Variants in STK33 observed in about 807,000 individuals in gnomAD.
STK33 encodes serine/threonine-protein kinase 33.
In STK33, 52 loss-of-function variants were observed where a neutral mutation model predicts 58.0. The observed-to-expected ratio is 0.90, with a 90% confidence interval of 0.72 to 1.13. The LOEUF is 1.13. Ranked by LOEUF, STK33 falls within the 50% of genes most tolerant of loss-of-function variation. The pLI is 0.00. For synonymous variants in STK33, 215 were observed against 200.1 expected, an observed-to-expected ratio of 1.07 and a Z score of -0.63; for missense variants, 630 against 604.2, an observed-to-expected ratio of 1.04 and a Z score of -0.45.
At chr11:8,510,539 C>T (rs866816573) in intron 1 of STK33, among the ~76,000 whole-genome samples, 6 of 151,978 alleles carry the variant, frequency 3.9e-5, no homozygotes, top group Non-Finnish European at 7.4e-5. Flanking sequence ...GTTCTCGTTG[C>T]GTTTGCTTTT....
chr11:8,591,212 G>T (rs910749127), intron 1 of STK33, among the ~76,000 whole-genome samples: 12 of 152,182 alleles, frequency 7.9e-5, no homozygotes, highest in Admixed American at 7.2e-4. Context: ...CTTGATTCAA[G>T]GACACATGAA....
At chr11:8,336,468 C>T in the STK33 span, among the ~76,000 whole-genome samples, 2 of 152,240 alleles carry the variant, frequency 1.3e-5, no homozygotes, top group Non-Finnish European at 2.9e-5. Flanking sequence ...TGGAGAGGGA[C>T]AGAAAATCTG....
At chr11:8,456,882 G>T (rs982867485) in intron 9 of STK33, among the ~76,000 whole-genome samples, 2 of 152,034 alleles carry the variant, frequency 1.3e-5, no homozygotes, top group African/African-American at 4.8e-5. Context: ...ATCTAGTGGG[G>T]GATTTTGACA....
At chr11:8,474,030 C>G (rs1044296342) in intron 5 of STK33, among the ~76,000 whole-genome samples, 4 of 152,088 alleles carry the variant, frequency 2.6e-5, no homozygotes, top group African/African-American at 9.7e-5. Flanking sequence ...AAAAAATTAG[C>G]TGGGCATGGT....
At chr11:8,362,145 G>A in the STK33 span, among the ~76,000 whole-genome samples, 1 of 152,132 alleles carries the variant, frequency 6.6e-6, no homozygotes, top group Non-Finnish European at 1.5e-5. Context: ...AGGGAGGGCC[G>A]GGGCCCAGCG....
intron 7 of STK33, among the ~76,000 whole-genome samples, chr11:8,464,228 T>C (rs1245935037): frequency 2.0e-5 from 3 of 152,132 alleles, no homozygotes; most frequent in Non-Finnish European, 2.9e-5. Context: ...TAAAAGAGTA[T>C]AGCAGTAGTT....
intron 1 of STK33, among the ~76,000 whole-genome samples, chr11:8,557,239 GGACCTTGTGGGGA>G (rs2140840543): frequency 1.0e-5 from 1 of 95,706 alleles, no homozygotes; most frequent in Non-Finnish European, 2.3e-5. Flanking sequence ...CAACAGAGGG[GGACCTTGTGGGGA>G]AGGGAAGGGG....
the STK33 span, among the ~76,000 whole-genome samples, chr11:8,360,229 G>C: frequency 6.9e-3 from 1,053 of 152,326 alleles, 16 homozygotes; most frequent in African/African-American, 0.024. Flanking sequence ...AGGTCTGCAG[G>C]TTGGCTGGGT....
At chr11:8,439,869 T>TTTTATATATATATATATATATATATATA (rs1554930118) in intron 12 of STK33, among the ~76,000 whole-genome samples, 2 of 107,274 alleles carry the variant, frequency 1.9e-5, no homozygotes, top group South Asian at 3.6e-4. Flanking sequence ...TATATTATAA[T>TTTTATATATATATATATATATATATATA]TATATATATA....
chr11:8,582,394 AG>A (rs1291701897), intron 1 of STK33, among the ~76,000 whole-genome samples: 1 of 152,224 alleles, frequency 6.6e-6, no homozygotes, highest in Non-Finnish European at 1.5e-5. Context: ...TATAAAGGAA[AG>A]GGGTTTAATT....
intron 1 of STK33, among the ~76,000 whole-genome samples, chr11:8,566,305 G>A (rs1957442120): frequency 1.3e-5 from 2 of 152,136 alleles, no homozygotes; most frequent in South Asian, 4.1e-4. Flanking sequence ...AGAAATAAAA[G>A]CCTCTAGGCT....
intron 11 of STK33, among the ~76,000 whole-genome samples, chr11:8,448,993 A>C (rs1408697751): frequency 1.3e-5 from 2 of 151,814 alleles, no homozygotes; most frequent in African/African-American, 2.4e-5. Context: ...GACACTTCTC[A>C]AAAGAAGACA....
In STK33 at chr11:8,571,896, T is replaced by A. The variant is rs866958640; in HGVS notation, c.-466+22187A>T. ...TTTTACCACAATAAAAAAAAAATTT[T>A]AAAAAAATTTAAATTAAAATTAAAT... On this transcript the variant is annotated intron_variant, in intron 1 of 15. Coordinates refer to ENST00000687296, the MANE Select transcript of STK33 (RefSeq NM_001352389.2). Among the ~76,000 whole-genome samples the A allele has an allele frequency of 3.4e-4, 46 of 133,988 alleles. 1 individual carries two copies. The highest frequency in any genetic ancestry group is 8.9e-4 in the East Asian group (4 of 4,484). 87.9% of individuals were successfully genotyped at this position (133,988 alleles called of 152,430 possible).
chr11:8,427,397 T>A (rs530215844), intron 14 of STK33, among the ~76,000 whole-genome samples: 44 of 152,244 alleles, frequency 2.9e-4, no homozygotes, highest in Middle Eastern at 3.4e-3. Context: ...TTTTAGAATT[T>A]TTCTTATTGA....
intron 1 of STK33, among the ~76,000 whole-genome samples, chr11:8,505,097 T>C (rs1456706344): frequency 6.6e-6 from 1 of 152,180 alleles, no homozygotes; most frequent in Non-Finnish European, 1.5e-5. Context: ...GGAAAGGTGA[T>C]TGCTAAATAT....
Position 8,487,253 on chromosome 11 carries a change from G to A in STK33, c.-465-6639C>T, listed in dbSNP as rs150457912. Among the ~76,000 whole-genome samples, 13 of 151,744 alleles carry A rather than the reference G, an allele frequency of 8.6e-5. No individual in the cohort carries two copies. In the East Asian group the frequency reaches 1.4e-3, roughly 16 times the overall value. On this transcript the variant is annotated intron_variant, in intron 1 of 15. Coordinates refer to ENST00000687296, the MANE Select transcript of STK33 (RefSeq NM_001352389.2). ...AGTCAGGGCACTATGGCAAGACCCC[G>A]TCTCTACAAAAAGTACAAAAATTAG...
At chr11:8,564,616 G>A (rs912039996) in intron 1 of STK33, among the ~76,000 whole-genome samples, 3 of 152,148 alleles carry the variant, frequency 2.0e-5, no homozygotes, top group African/African-American at 7.2e-5. Flanking sequence ...GAAGGAACTT[G>A]GGAAATACTT....
At chr11:8,347,389 T>A in the STK33 span, among the ~76,000 whole-genome samples, 3 of 152,276 alleles carry the variant, frequency 2.0e-5, no homozygotes, top group African/African-American at 7.2e-5. Context: ...ATAAACTAGG[T>A]GATGCTGTGA....
At chr11:8,374,721 G>C in the STK33 span, among the ~76,000 whole-genome samples, 1 of 152,194 alleles carries the variant, frequency 6.6e-6, no homozygotes, top group African/African-American at 2.4e-5. Flanking sequence ...ATTTGGAGGA[G>C]GGGACACAAA....
Sources: allele counts gnomAD v4.1 joint callset (sites outside exome capture counted in the v4.1 genomes callset), GRCh38; gene constraint gnomAD v4.1.1; transcripts MANE v1.5; gene names NCBI Gene and HGNC (gene_info 2026-07-23, HGNC 2026-07-21).